PDZRN3: variants seen among roughly 807,000 people sequenced by gnomAD.
PDZRN3 encodes E3 ubiquitin-protein ligase PDZRN3.
Under a neutral mutation model 85.7 loss-of-function variants are expected in PDZRN3, and 38 were observed. The observed-to-expected ratio is 0.44, with a 90% CI of 0.34 to 0.58. The LOEUF (loss-of-function observed/expected upper bound fraction) is 0.58, where lower values mean the gene tolerates loss of function less well. Among genes scored for constraint, PDZRN3 ranks in the 20% least tolerant of loss-of-function variants. The probability of loss-of-function intolerance (pLI) is 0.01; values close to 1 mark genes in which losing one functional copy is unlikely to be tolerated. For missense variants in PDZRN3, 1,629 were observed against 1,506.4 expected (o/e 1.08, Z -1.35); for synonymous variants, 759 against 638.0 (o/e 1.19, Z -2.86).
chr3:73,403,265 G>T (rs575209547), intron 4 of PDZRN3, among the ~76,000 whole-genome samples: 1 of 152,260 alleles, frequency 6.6e-6, no homozygotes, highest in African/African-American at 2.4e-5. Flanking sequence ...TATGTTAAAA[G>T]CTATGTCGAA....
intron 3 of PDZRN3, among the ~76,000 whole-genome samples, chr3:73,531,318 C>T (rs1179755889): frequency 2.0e-5 from 3 of 151,408 alleles, no homozygotes; most frequent in African/African-American, 7.3e-5. Context: ...ATGAACTATC[C>T]TGTTTGTTTT....
At chr3:73,507,887 G>A (rs1046550825) in intron 3 of PDZRN3, among the ~76,000 whole-genome samples, 2 of 152,084 alleles carry the variant, frequency 1.3e-5, no homozygotes, top group African/African-American at 4.8e-5. Context: ...GAGGCCAGGA[G>A]TTCCAGACCA....
intron 1 of PDZRN3, among the ~76,000 whole-genome samples, chr3:73,622,444 G>C (rs1702882321): frequency 6.6e-6 from 1 of 152,194 alleles, no homozygotes; most frequent in Admixed American, 6.5e-5. Context: ...CCAGAGCGGT[G>C]GCAGCAGGCC....
chr3:73,584,497 GTGTA>G (rs1352379896), intron 3 of PDZRN3, among the ~76,000 whole-genome samples: 21 of 15,472 alleles, frequency 1.4e-3, no homozygotes, highest in Admixed American at 2.7e-3. Flanking sequence ...GTGTGTGTGT[GTGTA>G]TGCATATGCG....
chr3:73,404,139 GT>G lies in PDZRN3; in HGVS notation c.1166+8del. 6.2e-7 allele frequency: 1 copy of G among 1,612,160 alleles called. No individual in the cohort carries two copies. The highest frequency in any genetic ancestry group is 8.5e-7 in the Non-Finnish European group (1 of 1,178,662). On this transcript the variant is annotated splice_region_variant and intron_variant, in intron 4 of 9. Transcript: ENST00000263666. ...TAATGCATTAGGGGTTCAAGATTAG[GT>G]TACTTACTCCTCTGGCAAGAGATAG...
intron 3 of PDZRN3, among the ~76,000 whole-genome samples, chr3:73,565,371 G>A (rs1459328439): frequency 4.0e-5 from 6 of 151,652 alleles, no homozygotes; most frequent in Non-Finnish European, 7.4e-5. Flanking sequence ...CTTGTGATCC[G>A]CCCGCCTTGG....
intron 3 of PDZRN3, among the ~76,000 whole-genome samples, chr3:73,491,156 C>A (rs1483739804): frequency 2.0e-5 from 3 of 152,232 alleles, no homozygotes; most frequent in East Asian, 3.8e-4. Flanking sequence ...AGCTCCTGCT[C>A]AGGTTACAGA....
intron 1 of PDZRN3, among the ~76,000 whole-genome samples, chr3:73,618,410 C>A (rs1702798649): frequency 1.3e-5 from 2 of 152,106 alleles, no homozygotes. Flanking sequence ...CGGAGATGGG[C>A]CACACTGGGT....
intron 8 of PDZRN3, among the ~76,000 whole-genome samples, chr3:73,386,653 A>C (rs868731994): frequency 6.6e-6 from 1 of 152,278 alleles, no homozygotes; most frequent in Non-Finnish European, 1.5e-5. Context: ...ATTCGCTGAC[A>C]TAATTGTCTA....
intron 3 of PDZRN3, among the ~76,000 whole-genome samples, chr3:73,467,616 C>T (rs1703247396): frequency 6.6e-6 from 1 of 152,130 alleles, no homozygotes; most frequent in African/African-American, 2.4e-5. Flanking sequence ...TTCGGTGCTG[C>T]TACATCTTTT....
chr3:73,601,971 GCTGAC>G (rs1199658528), intron 3 of PDZRN3, among the ~76,000 whole-genome samples: 1 of 152,104 alleles, frequency 6.6e-6, no homozygotes, highest in Non-Finnish European at 1.5e-5. Context: ...TGACTCCAAA[GCTGAC>G]ACAATTGTAC....
chr3:73,386,260 C>CTCTG (rs1491510152), intron 8 of PDZRN3, among the ~76,000 whole-genome samples: 1 of 77,918 alleles, frequency 1.3e-5, no homozygotes, highest in Non-Finnish European at 2.4e-5. Flanking sequence ...CAGAATCTCA[C>CTCTG]TCTGTCTCCC....
rs76678413 is a variant in PDZRN3 at position 73,584,059 on chromosome 3, T to C, written c.918+18295A>G. On this transcript the variant is annotated intron_variant, in intron 3 of 9. Transcript: ENST00000263666. ...ATTAGCTTTGTGCTTTCCCTTCCAA[T>C]GCCAGGGCAGTTCTCTTCTCTCTCT... is the stretch of plus-strand genomic sequence containing the variant. Among the ~76,000 whole-genome samples, 534 of 147,062 alleles carry C rather than the reference T, an allele frequency of 3.6e-3. 4 individuals are homozygous for C. Among genetic ancestry groups the C allele is most frequent in the African/African-American group, 0.014 (502 of 36,992 alleles).
chr3:73,413,543 C>T (rs868648819), intron 3 of PDZRN3, among the ~76,000 whole-genome samples: 19 of 152,094 alleles, frequency 1.2e-4, no homozygotes, highest in African/African-American at 3.4e-4. Flanking sequence ...TGAGCAGCTT[C>T]CTAAAAGTTG....
intron 1 of PDZRN3, among the ~76,000 whole-genome samples, chr3:73,617,235 C>T (rs974268591): frequency 6.6e-6 from 1 of 152,206 alleles, no homozygotes; most frequent in African/African-American, 2.4e-5. Flanking sequence ...TACGCGGTGC[C>T]TCTGCTCTTT....
chr3:73,474,605 T>C, intron 3 of PDZRN3: 1 of 1,266,644 alleles, frequency 7.9e-7, no homozygotes, highest in Non-Finnish European at 1.0e-6. Context: ...CTAAGCTTGG[T>C]TTATGTTGAG....
chr3:73,487,872 C>A (rs188550800), intron 3 of PDZRN3, among the ~76,000 whole-genome samples: 30 of 152,296 alleles, frequency 2.0e-4, no homozygotes, highest in Admixed American at 3.9e-4. Flanking sequence ...AAGGCCATTT[C>A]ACAACAGGGC....
intron 1 of PDZRN3, among the ~76,000 whole-genome samples, chr3:73,617,541 A>AG (rs1702782715): frequency 6.6e-6 from 1 of 152,200 alleles, no homozygotes; most frequent in East Asian, 1.9e-4. Context: ...TGCCTACCAC[A>AG]GGGCCTGGCA....
At chr3:73,621,025 CTACT>C (rs1298214637) in intron 1 of PDZRN3, among the ~76,000 whole-genome samples, 4 of 152,254 alleles carry the variant, frequency 2.6e-5, no homozygotes, top group African/African-American at 7.2e-5. Context: ...AGCTTAGCGG[CTACT>C]TAAAGGACCA....
Sources: allele counts gnomAD v4.1 joint callset (sites outside exome capture counted in the v4.1 genomes callset), GRCh38; gene constraint gnomAD v4.1.1; transcripts MANE v1.5; gene names NCBI Gene and HGNC (gene_info 2026-07-23, HGNC 2026-07-21).